Variants in FAT3 observed in about 807,000 individuals in gnomAD.
FAT3 encodes protocadherin Fat 3.
In FAT3, 95 loss-of-function variants were observed where a neutral mutation model predicts 310.2. That is an observed-to-expected ratio of 0.31 (90% CI 0.26 to 0.36). The LOEUF is 0.36. Among genes scored for constraint, FAT3 ranks in the 10% least tolerant of loss-of-function variants. The pLI, the probability that FAT3 is intolerant of heterozygous loss-of-function variation, is 1.00. For synonymous variants in FAT3, 2,314 were observed against 2,192.9 expected, an observed-to-expected ratio of 1.06 and a Z score of -1.54; for missense variants, 5,408 against 5,715.6, an observed-to-expected ratio of 0.95 and a Z score of 1.74.
intron 3 of FAT3, 44 bp downstream of exon 3, chr11:92,524,992 C>G (rs1953810977): frequency 2.0e-6 from 3 of 1,472,730 alleles, no homozygotes; most frequent in Non-Finnish European, 2.8e-6. Context: ...TGTAGTCCAG[C>G]CTTTAAATTC....
At chr11:92,335,970 G>T in intron 1 of FAT3, 3 of 425,274 alleles carry the variant, frequency 7.1e-6, no homozygotes, top group South Asian at 5.7e-5. Flanking sequence ...CCTTTAATTA[G>T]GTCAGAATGG....
intron 1 of FAT3, among the ~76,000 whole-genome samples, chr11:92,313,866 A>C (rs914539410): frequency 6.6e-6 from 1 of 152,180 alleles, no homozygotes; most frequent in Non-Finnish European, 1.5e-5. Flanking sequence ...CCTCAAACCT[A>C]ATTTTTCCAG....
At chr11:92,563,858 G>A (rs1315664527) in intron 3 of FAT3, among the ~76,000 whole-genome samples, 1 of 151,836 alleles carries the variant, frequency 6.6e-6, no homozygotes, top group Non-Finnish European at 1.5e-5. Context: ...TCACCACCAG[G>A]CCTGCCCTAA....
intron 3 of FAT3, among the ~76,000 whole-genome samples, chr11:92,614,480 G>A (rs1940709322): frequency 6.6e-6 from 1 of 152,184 alleles, no homozygotes; most frequent in East Asian, 1.9e-4. Flanking sequence ...TTTTGATTTT[G>A]ATTTCTCACA....
rs1376318391 is a variant in FAT3, at chr11:92,790,180, G to A, written c.4573G>A (p.Asp1525Asn). Residue 1525 changes from aspartate to asparagine, a missense_variant, in exon 8 of 28, where the codon GAC becomes AAC. By Grantham distance (23) the Asp-to-Asn change is conservative (BLOSUM62 1). Coordinates refer to ENST00000525166, the MANE Select transcript of FAT3 (RefSeq NM_001367949.2). ...CGTGCTCTATACTGCCGAGAGGCTGGACCATGAGGCCCAGGACAAGCACAT... is the reference window on the plus strand; with the variant it reads ...CGTGCTCTATACTGCCGAGAGGCTGAACCATGAGGCCCAGGACAAGCACAT... ...TGVLYTAERL[D>N]HEAQDKHILN... is the part of the protein sequence containing the mutation. 1 of 1,613,686 alleles carries A rather than the reference G, an allele frequency of 6.2e-7. No homozygotes were observed.
chr11:92,882,591 C>CT, intron 23 of FAT3, 147 bp from the exon 24 acceptor site: 1 of 551,010 alleles, frequency 1.8e-6, no homozygotes, highest in Non-Finnish European at 3.0e-6. Flanking sequence ...CCCCTCCCCC[C>CT]CCCCACCAAC....
intron 23 of FAT3, among the ~76,000 whole-genome samples, 159 bp from the exon 24 acceptor site, chr11:92,882,579 T>TCCCCCCCCCCCCCCCCCC (rs370925383): frequency 2.5e-5 from 2 of 80,332 alleles, no homozygotes. Flanking sequence ...CTAAATTAAC[T>TCCCCCCCCCCCCCCCCCC]CCCCCTCCCC....
chr11:92,882,724 CTG>C lies in FAT3; in HGVS notation c.12282-10_12282-9del. 2 of 1,580,646 alleles carry C rather than the reference CTG, an allele frequency of 1.3e-6. No individual in the cohort carries two copies. Among genetic ancestry groups the C allele is most frequent in the Non-Finnish European group, 1.7e-6 (2 of 1,161,638 alleles). On this transcript the variant is annotated splice_polypyrimidine_tract_variant and intron_variant, in intron 23 of 27. Coordinates refer to ENST00000525166, the MANE Select transcript of FAT3 (RefSeq NM_001367949.2). ...TGGTCCTGACGGTGGGGAGGGGCTT[CTG>C]TGTCGCCGCAGGTGTGAGGAGGACA...
chr11:92,562,402 A>G (rs534799672), intron 3 of FAT3, among the ~76,000 whole-genome samples: 1 of 151,990 alleles, frequency 6.6e-6, no homozygotes, highest in Non-Finnish European at 1.5e-5. Context: ...ATTTTATTTC[A>G]TGTTCTCCCA....
chr11:92,552,349 G>A (rs1276504878), intron 3 of FAT3, among the ~76,000 whole-genome samples: 4 of 152,046 alleles, frequency 2.6e-5, no homozygotes, highest in African/African-American at 9.7e-5. Context: ...AATTTAGATT[G>A]GAGTGCTCTT....
chr11:92,890,925 A>G lies in FAT3; in HGVS notation c.13582A>G (p.Thr4528Ala), dbSNP rs565558854. The G allele has an allele frequency of 6.2e-7, 1 of 1,614,026 alleles. No individual in the cohort carries two copies. The highest frequency in any genetic ancestry group is 1.1e-5 in the South Asian group (1 of 91,082). ...GAGCATGAACCAGGGCACAGAGCCC[A>G]CAGGCCCAGCAGACAGCGTGTCTCT... Reference protein sequence around the residue: ...AVSMNQGTEPTGPADSVSLSL... With the variant: ...AVSMNQGTEPAGPADSVSLSL... The change falls in exon 28 of 28, where the codon ACA (threonine) becomes GCA (alanine). Residue 4528 changes from threonine to alanine, a missense_variant. Thr to Ala is a moderately conservative substitution (Grantham distance 58). This residue lies in a region of FAT3 where 649 missense variants were observed against 666.2 expected (regional missense o/e 0.97). Coordinates refer to ENST00000525166, the MANE Select transcript of FAT3 (RefSeq NM_001367949.2).
chr11:92,509,675 A>G (rs1953228366), intron 2 of FAT3, among the ~76,000 whole-genome samples: 1 of 152,210 alleles, frequency 6.6e-6, no homozygotes, highest in Non-Finnish European at 1.5e-5. Context: ...TCATAGAACT[A>G]AAGTTATTAA....
At chr11:92,554,834 C>G (rs1455506400) in intron 3 of FAT3, among the ~76,000 whole-genome samples, 1 of 152,190 alleles carries the variant, frequency 6.6e-6, no homozygotes, top group Non-Finnish European at 1.5e-5. Context: ...CACTGCTGCG[C>G]TTGTCACTAC....
intron 1 of FAT3, among the ~76,000 whole-genome samples, chr11:92,262,003 T>C (rs576027249): frequency 3.0e-4 from 45 of 152,178 alleles, no homozygotes; most frequent in Middle Eastern, 6.8e-3. Flanking sequence ...TTTTTTTAAA[T>C]TCTGAGGTCT....
chr11:92,622,761 A>T (rs1941144403), intron 3 of FAT3, among the ~76,000 whole-genome samples: 1 of 152,198 alleles, frequency 6.6e-6, no homozygotes, highest in Non-Finnish European at 1.5e-5. Flanking sequence ...TTTGTGCTCT[A>T]GTACTTTCTT....
At chr11:92,239,867 C>T (rs550166637) in intron 1 of FAT3, among the ~76,000 whole-genome samples, 15 of 152,164 alleles carry the variant, frequency 9.9e-5, no homozygotes, top group Middle Eastern at 6.8e-3. Flanking sequence ...GCTTTTCTTG[C>T]CTTTCCTATT....
At position 92,834,898 on chromosome 11, in the gene FAT3, C is replaced by G; in HGVS notation, c.9900C>G (p.Asp3300Glu). ...GTATTTCTGTCTCTGAAGTCCTGGA[C>G]TATGAATTATGCAAAAGGTTTTACC... ...TGGISVSEVL[D>E]YELCKRFYLV... The change falls in exon 15 of 28, where the codon GAC (aspartate) becomes GAG (glutamate). Residue 3300 changes from aspartate (D) to glutamate (E), a missense_variant. Asp to Glu is a conservative substitution (Grantham distance 45, BLOSUM62 2). Coordinates refer to ENST00000525166, the MANE Select transcript of FAT3 (RefSeq NM_001367949.2). 6.2e-7 allele frequency: 1 copy of G among 1,612,144 alleles called. No homozygotes were observed. Among genetic ancestry groups the G allele is most frequent in the East Asian group, 2.2e-5 (1 of 44,850 alleles).
chr11:92,838,595 T>A (rs115319151), intron 17 of FAT3, among the ~76,000 whole-genome samples: 2,714 of 151,978 alleles, frequency 0.018, 89 homozygotes, highest in African/African-American at 0.061. Context: ...GAAGACAGAG[T>A]GATATGCATG....
chr11:92,251,916 G>A (rs1865157868), intron 1 of FAT3, among the ~76,000 whole-genome samples: 1 of 152,156 alleles, frequency 6.6e-6, no homozygotes, highest in Non-Finnish European at 1.5e-5. Context: ...TCAGCAAGCT[G>A]AGTGTATGTT....
Sources: gnomAD v4.1 joint callset for allele counts (sites outside exome capture counted in the v4.1 genomes callset) on GRCh38, gnomAD v4.1.1 for gene constraint, gnomAD v4.1.1 regional missense constraint, MANE v1.5 for transcripts, NCBI Gene and HGNC (gene_info 2026-07-23, HGNC 2026-07-21) for gene names.